ROR2: variants seen among roughly 807,000 people sequenced by gnomAD.
The protein encoded by ROR2 is ROR family WNT receptor 2.
A neutral mutation model predicts 74.9 loss-of-function variants in ROR2; 33 were observed. The ratio of observed to expected loss-of-function variants is 0.44; its 90% CI spans 0.33 to 0.59. The LOEUF is 0.59. ROR2 is among the 20% of genes least tolerant of loss of function. The probability of loss-of-function intolerance (pLI) is 0.02; values close to 1 mark genes in which losing one functional copy is unlikely to be tolerated. For synonymous variants in ROR2, 586 were observed against 558.7 expected (o/e 1.05, Z -0.69); for missense variants, 1,216 against 1,313.8 (o/e 0.93, Z 1.15).
At chr9:91,928,064 G>C (rs1034170405) in intron 1 of ROR2, among the ~76,000 whole-genome samples, 6 of 152,082 alleles carry the variant, frequency 3.9e-5, no homozygotes, top group Admixed American at 1.3e-4. Flanking sequence ...AACCACCCTA[G>C]AGCCCCACTT....
At chr9:91,851,149 G>A (rs79635708) in intron 1 of ROR2, among the ~76,000 whole-genome samples, 6,215 of 151,838 alleles carry the variant, frequency 0.041, 182 homozygotes, top group East Asian at 0.098. Flanking sequence ...TCAGGAGATC[G>A]AGACCATCCA....
chr9:91,743,547 GGTGACAGA>G (rs1477057910), intron 4 of ROR2, among the ~76,000 whole-genome samples: 2 of 151,870 alleles, frequency 1.3e-5, no homozygotes, highest in African/African-American at 4.8e-5. Context: ...CTACAGCCTG[GGTGACAGA>G]GTAGGACTCC....
chr9:91,945,651 A>T (rs1831994917), intron 1 of ROR2, among the ~76,000 whole-genome samples: 1 of 152,154 alleles, frequency 6.6e-6, no homozygotes, highest in Admixed American at 6.5e-5. Context: ...CTTTTTTCAG[A>T]GATAGGACTT....
At chr9:91,947,337 A>G (rs1832036750) in intron 1 of ROR2, among the ~76,000 whole-genome samples, 1 of 152,228 alleles carries the variant, frequency 6.6e-6, no homozygotes, top group South Asian at 2.1e-4. Context: ...TCAGGGTGAC[A>G]TGCTTTATGA....
At chr9:91,786,679 G>C (rs1826815114) in intron 1 of ROR2, among the ~76,000 whole-genome samples, 1 of 152,182 alleles carries the variant, frequency 6.6e-6, no homozygotes, top group Non-Finnish European at 1.5e-5. Context: ...ATTTTGTCTG[G>C]ACTTGCAGCA....
At chr9:91,780,515 T>C (rs1826581570) in intron 1 of ROR2, among the ~76,000 whole-genome samples, 2 of 152,138 alleles carry the variant, frequency 1.3e-5, no homozygotes, top group South Asian at 4.1e-4. Flanking sequence ...TGGGCTGGCG[T>C]GGTGGCTCAT....
At position 91,722,627 on chromosome 9, in the gene ROR2, C is replaced by T. The variant is rs1836840233; in HGVS notation, c.*1035G>A. 1.3e-6 allele frequency: 1 copy of T among 779,708 alleles called. No individual in the cohort carries two copies. Among genetic ancestry groups the T allele is most frequent in the Admixed American group, 1.7e-5 (1 of 59,016 alleles). The allele number at this position is 779,708 out of a possible 1,614,324, so 48.3% of individuals were successfully genotyped here. Reference sequence around the variant, plus strand: ...GCTTTGTTTCACTTTATTGGATACACCGGGTGTGGGATTTACAAATAGGAC... The same window carrying T: ...GCTTTGTTTCACTTTATTGGATACATCGGGTGTGGGATTTACAAATAGGAC... On this transcript the variant is annotated 3_prime_UTR_variant, in exon 9 of 9. Transcript: ENST00000375708.
intron 3 of ROR2, among the ~76,000 whole-genome samples, chr9:91,756,366 C>T (rs1413321649): frequency 6.6e-6 from 1 of 152,224 alleles, no homozygotes; most frequent in Non-Finnish European, 1.5e-5. Flanking sequence ...TCTTTACACA[C>T]AAAATCTGTT....
intron 1 of ROR2, among the ~76,000 whole-genome samples, chr9:91,894,902 C>T (rs1830500974): frequency 6.6e-6 from 1 of 152,298 alleles, no homozygotes; most frequent in East Asian, 1.9e-4. Flanking sequence ...CACACTCTTA[C>T]CCTATGTTCT....
chr9:91,826,645 G>A (rs1828299763), intron 1 of ROR2, among the ~76,000 whole-genome samples: 1 of 152,016 alleles, frequency 6.6e-6, no homozygotes, highest in South Asian at 2.1e-4. Context: ...TTAGCCGGGC[G>A]TGGTGGTGGG....
intron 1 of ROR2, among the ~76,000 whole-genome samples, chr9:91,830,227 G>A (rs901388676): frequency 1.3e-5 from 2 of 152,184 alleles, no homozygotes; most frequent in African/African-American, 4.8e-5. Flanking sequence ...CAATTTGGCT[G>A]TGCAAGGCAG....
At chr9:91,878,315 T>C (rs548729864) in intron 1 of ROR2, among the ~76,000 whole-genome samples, 28 of 152,320 alleles carry the variant, frequency 1.8e-4, no homozygotes, top group African/African-American at 6.7e-4. Context: ...CGCACCTCCA[T>C]GGCCCTTCTT....
intron 2 of ROR2, among the ~76,000 whole-genome samples, chr9:91,770,112 T>C (rs1826181123): frequency 2.0e-5 from 3 of 152,224 alleles, no homozygotes; most frequent in Non-Finnish European, 4.4e-5. Flanking sequence ...TTTCTCTCTT[T>C]GCAGGGAAAT....
Position 91,874,549 on chromosome 9 carries a change from T to C in ROR2, c.97+75318A>G, listed in dbSNP as rs545831202. 3.3e-5 allele frequency among the ~76,000 whole-genome samples: 5 copies of C among 152,336 alleles called. No individual in the cohort carries two copies. In the South Asian group the frequency reaches 6.2e-4, roughly 19 times the overall value. Reference sequence around the variant, plus strand: ...AAACAGAAAATGACTAGGAAAATACTGTAAACATCTGACCTCAGCCTGCTT... The same window carrying C: ...AAACAGAAAATGACTAGGAAAATACCGTAAACATCTGACCTCAGCCTGCTT... On this transcript the variant is annotated intron_variant, in intron 1 of 8. Transcript: ENST00000375708.
chr9:91,741,133 C>A (rs1825222246), intron 4 of ROR2, among the ~76,000 whole-genome samples: 1 of 151,970 alleles, frequency 6.6e-6, no homozygotes, highest in Non-Finnish European at 1.5e-5. Flanking sequence ...AACTCCGTCT[C>A]TATTAAAATA....
chr9:91,904,053 G>GC (rs1405261613), intron 1 of ROR2, among the ~76,000 whole-genome samples: 9 of 76,372 alleles, frequency 1.2e-4, no homozygotes, highest in Non-Finnish European at 1.6e-4. Flanking sequence ...TTTTTTTTTG[G>GC]GGGGGGGGAC....
chr9:91,918,223 G>GCGCCAC (rs1314864066), intron 1 of ROR2, among the ~76,000 whole-genome samples: 2 of 147,052 alleles, frequency 1.4e-5, no homozygotes, highest in Non-Finnish European at 3.0e-5. Flanking sequence ...AGCTGAGATT[G>GCGCCAC]CGCCACCGCA....
intron 1 of ROR2, among the ~76,000 whole-genome samples, chr9:91,906,077 G>A (rs1564030432): frequency 6.6e-6 from 1 of 151,730 alleles, no homozygotes; most frequent in Admixed American, 6.6e-5. Context: ...AAACTCAGAG[G>A]GTTTTTAAAC....
intron 1 of ROR2, among the ~76,000 whole-genome samples, chr9:91,846,081 GC>G (rs1317527822): frequency 1.3e-5 from 2 of 152,048 alleles, no homozygotes; most frequent in Non-Finnish European, 2.9e-5. Context: ...ATGCCTCCCG[GC>G]TGGGCTTCTA....
Sources: gnomAD v4.1 joint callset for allele counts (sites outside exome capture counted in the v4.1 genomes callset) on GRCh38, gnomAD v4.1.1 for gene constraint, MANE v1.5 for transcripts, NCBI Gene and HGNC (gene_info 2026-07-23, HGNC 2026-07-21) for gene names.